The following CADM2 variants were observed in gnomAD, a reference collection of about 807,000 sequenced individuals.
CADM2 encodes the protein cell adhesion molecule 2, also known as immunoglobulin superfamily member 4D.
A neutral mutation model predicts 49.8 loss-of-function variants in CADM2; 12 were observed. The observed-to-expected ratio is 0.24, with a 90% CI of 0.15 to 0.39. The LOEUF (loss-of-function observed/expected upper bound fraction) is 0.39. CADM2 is among the 10% of genes least tolerant of loss of function. The pLI, the probability that CADM2 is intolerant of heterozygous loss-of-function variation, is 1.00. For missense variants in CADM2, 378 were observed against 492.3 expected (o/e 0.77, Z 2.20); for synonymous variants, 214 against 175.4 (o/e 1.22, Z -1.74).
At chr3:85,756,575 A>G (rs753612689) in intron 2 of CADM2, among the ~76,000 whole-genome samples, 15 of 152,320 alleles carry the variant, frequency 9.8e-5, no homozygotes, top group Admixed American at 2.0e-4. Flanking sequence ...GTAACCTGTG[A>G]TATTATATGA....
chr3:85,137,871 A>C (rs904721800), intron 1 of CADM2, among the ~76,000 whole-genome samples: 1 of 152,132 alleles, frequency 6.6e-6, no homozygotes, highest in African/African-American at 2.4e-5. Context: ...GGAATATATT[A>C]TGTATAAAAC....
chr3:85,346,712 A>G (rs1228882552), intron 1 of CADM2, among the ~76,000 whole-genome samples: 4 of 152,232 alleles, frequency 2.6e-5, no homozygotes, highest in African/African-American at 9.6e-5. Context: ...AACTTTAAAA[A>G]TATACATAAA....
intron 1 of CADM2, among the ~76,000 whole-genome samples, chr3:85,195,957 C>G (rs1243239578): frequency 6.6e-6 from 1 of 151,960 alleles, no homozygotes; most frequent in Non-Finnish European, 1.5e-5. Context: ...TTTTTGTTTA[C>G]AAAATTAATC....
At chr3:85,938,800 AT>A (rs1300437159) in intron 7 of CADM2, among the ~76,000 whole-genome samples, 1 of 151,976 alleles carries the variant, frequency 6.6e-6, no homozygotes, top group Non-Finnish European at 1.5e-5. Context: ...TAAGCACTTA[AT>A]TTTTATCATC....
intron 1 of CADM2, among the ~76,000 whole-genome samples, chr3:85,105,075 C>T (rs2038160247): frequency 1.3e-5 from 2 of 152,176 alleles, no homozygotes; most frequent in East Asian, 3.9e-4. Context: ...CTTCTCCTGC[C>T]TAATTTCCCT....
At chr3:85,433,157 G>T (rs1316737519) in intron 1 of CADM2, among the ~76,000 whole-genome samples, 3 of 150,884 alleles carry the variant, frequency 2.0e-5, no homozygotes, top group Non-Finnish European at 4.4e-5. Context: ...TTTCTAAAAA[G>T]CAGGATTTTT....
chr3:85,483,351 T>C (rs1337968176), intron 1 of CADM2, among the ~76,000 whole-genome samples: 1 of 151,488 alleles, frequency 6.6e-6, no homozygotes, highest in African/African-American at 2.4e-5. Context: ...AGTGTAAATA[T>C]AAGTATCATT....
intron 1 of CADM2, among the ~76,000 whole-genome samples, chr3:85,034,781 G>C (rs1218678785): frequency 1.7e-5 from 2 of 115,742 alleles, no homozygotes; most frequent in Non-Finnish European, 3.4e-5. Flanking sequence ...TTAGATAAAA[G>C]ACATTTTGCT....
chr3:85,678,188 G>A (rs1205124703), intron 1 of CADM2, among the ~76,000 whole-genome samples: 1 of 152,210 alleles, frequency 6.6e-6, no homozygotes, highest in Non-Finnish European at 1.5e-5. Context: ...TGACGACTGA[G>A]TTGTGATTTG....
At chr3:85,628,039 G>A (rs898778318) in intron 1 of CADM2, among the ~76,000 whole-genome samples, 1 of 151,990 alleles carries the variant, frequency 6.6e-6, no homozygotes, top group Non-Finnish European at 1.5e-5. Flanking sequence ...GGGCCGAACA[G>A]TATGAATCGG....
intron 1 of CADM2, among the ~76,000 whole-genome samples, chr3:85,413,741 CTCCAATA>C (rs1203618178): frequency 6.6e-6 from 1 of 152,206 alleles, no homozygotes; most frequent in Non-Finnish European, 1.5e-5. Context: ...CAAGCCCCAC[CTCCAATA>C]TTGGGGATTA....
chr3:85,477,786 C>T (rs935095736), intron 1 of CADM2, among the ~76,000 whole-genome samples: 1 of 151,846 alleles, frequency 6.6e-6, no homozygotes, highest in African/African-American at 2.4e-5. Flanking sequence ...TATGTACAAC[C>T]AACAAGTCAG....
chr3:85,152,495 G>T (rs78479114), intron 1 of CADM2, among the ~76,000 whole-genome samples: 4,978 of 152,190 alleles, frequency 0.033, 258 homozygotes, highest in African/African-American at 0.11. Flanking sequence ...TCAGAGAGCA[G>T]ATTTGTCTTT....
At chr3:85,116,624 A>AT (rs2038648238) in intron 1 of CADM2, among the ~76,000 whole-genome samples, 2 of 152,214 alleles carry the variant, frequency 1.3e-5, no homozygotes, top group South Asian at 4.2e-4. Flanking sequence ...AATTAAAGCA[A>AT]TTTTATTTTA....
At chr3:85,640,995 A>G (rs982816190) in intron 1 of CADM2, among the ~76,000 whole-genome samples, 1 of 152,184 alleles carries the variant, frequency 6.6e-6, no homozygotes, top group Non-Finnish European at 1.5e-5. Context: ...CATTATTCGA[A>G]GAGTCAACCC....
chr3:85,949,580 C>T (rs1559761230), intron 7 of CADM2, among the ~76,000 whole-genome samples: 1 of 151,194 alleles, frequency 6.6e-6, no homozygotes, highest in Admixed American at 6.6e-5. Flanking sequence ...AGAATGATTA[C>T]ATCTAAATGA....
At chr3:85,269,082 T>G (rs983969947) in intron 1 of CADM2, among the ~76,000 whole-genome samples, 1 of 151,352 alleles carries the variant, frequency 6.6e-6, no homozygotes, top group African/African-American at 2.4e-5. Context: ...TTGCTTTGAT[T>G]AGAAATTAAA....
chr3:85,020,439 T>A (rs2034447835), intron 1 of CADM2, among the ~76,000 whole-genome samples: 1 of 152,148 alleles, frequency 6.6e-6, no homozygotes, highest in South Asian at 2.1e-4. Flanking sequence ...ATAATGAACA[T>A]ATCAATCAAA....
intron 1 of CADM2, among the ~76,000 whole-genome samples, chr3:85,411,615 G>A (rs946604062): frequency 1.3e-5 from 2 of 152,036 alleles, no homozygotes; most frequent in Admixed American, 1.3e-4. Context: ...CCCAAATGTT[G>A]GTAAATGACT....
Sources: allele counts gnomAD v4.1 joint callset (sites outside exome capture counted in the v4.1 genomes callset), GRCh38; gene constraint gnomAD v4.1.1; transcripts MANE v1.5; gene names NCBI Gene and HGNC (gene_info 2026-07-23, HGNC 2026-07-21).